Variants in CDK3 observed in about 807,000 individuals in gnomAD.
CDK3 encodes cyclin dependent kinase 3.
A neutral mutation model predicts 30.2 loss-of-function variants in CDK3; 24 were observed. The observed-to-expected ratio is 0.79, with a 90% CI of 0.57 to 1.12. The LOEUF (loss-of-function observed/expected upper bound fraction) is 1.12, where lower values mean the gene tolerates loss of function less well. Ranked by LOEUF, CDK3 falls within the 50% of genes most tolerant of loss-of-function variation. The pLI is 0.00. For missense variants in CDK3, 345 were observed against 376.0 expected (o/e 0.92, Z 0.68); for synonymous variants, 158 against 154.2 (o/e 1.02, Z -0.18).
chr17:76,002,755 T>C lies in CDK3; in HGVS notation c.588+143T>C. 1.6e-6 allele frequency: 1 copy of C among 613,500 alleles called. No homozygotes were observed. 38.0% of individuals were successfully genotyped at this position (613,500 alleles called of 1,614,324 possible). A position where few individuals can be genotyped will look rare whatever the true frequency, so the allele number is the denominator to read the frequency against. On this transcript the variant is annotated intron_variant, in intron 6 of 7. Transcript: ENST00000448471. The surrounding 1 kb of genome is among the most constrained non-coding windows in gnomAD (Gnocchi z 4.3). Reference sequence around the variant, plus strand: ...GGCTCACGCCCGTAATCCCAGCACTTTGGGAGGCTGAGATGGGAGGATGGC... The same window carrying C: ...GGCTCACGCCCGTAATCCCAGCACTCTGGGAGGCTGAGATGGGAGGATGGC...
Position 76,001,029 on chromosome 17 carries a change from TTGGGC to T in CDK3, c.-15+73_-15+77del, listed in dbSNP as rs764112235. 2 of 1,128,556 alleles carry T rather than the reference TTGGGC, an allele frequency of 1.8e-6. No individual in the cohort carries two copies. Among genetic ancestry groups the T allele is most frequent in the Non-Finnish European group, 1.1e-6 (1 of 912,668 alleles). 69.9% of individuals were successfully genotyped at this position (1,128,556 alleles called of 1,614,324 possible). A position where few individuals can be genotyped will look rare whatever the true frequency, so the allele number is the denominator to read the frequency against. On this transcript the variant is annotated intron_variant, in intron 1 of 7. Coordinates refer to ENST00000448471, the MANE Select transcript of CDK3 (RefSeq NM_001258.4). The surrounding 1 kb of genome is among the most constrained non-coding windows in gnomAD (Gnocchi z 6.2). The stretch of plus-strand genomic sequence containing the variant: ...CAAGTGAGAGGCCTGGGGGTCCATG[TTGGGC>T]TGGGCTGGGCGAGGGGTGGTCTCTG...
Position 76,001,000 on chromosome 17 carries a change from G to C in CDK3, c.-15+33G>C, listed in dbSNP as rs145858819. ...AGGGTGGTCTTGCCCTCTAAGGCCC[G>C]GCACAAGTGAGAGGCCTGGGGGTCC... On this transcript the variant is annotated intron_variant, in intron 1 of 7. Coordinates refer to ENST00000448471, the MANE Select transcript of CDK3 (RefSeq NM_001258.4). This position sits in a 1 kb window ranked among gnomAD's most constrained non-coding sequence, Gnocchi z 5.9. 1 of 1,096,660 alleles carries C rather than the reference G, an allele frequency of 9.1e-7. No homozygotes were observed. 67.9% of individuals were successfully genotyped at this position (1,096,660 alleles called of 1,614,324 possible). A position where few individuals can be genotyped will look rare whatever the true frequency, so the allele number is the denominator to read the frequency against.
chr17:76,000,998 C>T lies in CDK3; in HGVS notation c.-15+31C>T. 1 of 1,097,516 alleles carries T rather than the reference C, an allele frequency of 9.1e-7. No homozygotes were observed. Among genetic ancestry groups the T allele is most frequent in the Non-Finnish European group, 1.1e-6 (1 of 895,382 alleles). 68.0% of individuals were successfully genotyped at this position (1,097,516 alleles called of 1,614,324 possible). On this transcript the variant is annotated intron_variant, in intron 1 of 7. Transcript: ENST00000448471. The surrounding 1 kb of genome is among the most constrained non-coding windows in gnomAD (Gnocchi z 5.9). ...AAAGGGTGGTCTTGCCCTCTAAGGCCCGGCACAAGTGAGAGGCCTGGGGGT... is the reference window on the plus strand; with the variant it reads ...AAAGGGTGGTCTTGCCCTCTAAGGCTCGGCACAAGTGAGAGGCCTGGGGGT...
At position 76,001,943 on chromosome 17, in the gene CDK3, C is replaced by T. The variant is rs1232462469; in HGVS notation, c.186C>T (p.Asn62=). 6.2e-7 allele frequency: 1 copy of T among 1,613,860 alleles called. No individual in the cohort carries two copies. Among genetic ancestry groups the T allele is most frequent in the African/African-American group, 1.3e-5 (1 of 74,902 alleles). Residue 62 remains asparagine, a synonymous_variant, in exon 3 of 8, where the codon AAC becomes AAT. Transcript: ENST00000448471. The surrounding 1 kb of genome is among the most constrained non-coding windows in gnomAD (Gnocchi z 6.2). ...TGCTCAAGGAACTGAAGCACCCCAA[C>T]ATCGTCCGGTGAGTTGGGGATTGAG... ...ISLLKELKHP[N]IVRLLDVVHN...
Position 76,001,770 on chromosome 17 carries a change from G to A in CDK3, c.117-104G>A. 2 of 1,140,262 alleles carry A rather than the reference G, an allele frequency of 1.8e-6. No homozygotes were observed. Among genetic ancestry groups the A allele is most frequent in the East Asian group, 2.6e-5 (1 of 38,894 alleles). The allele number at this position is 1,140,262 out of a possible 1,614,324, so 70.6% of individuals were successfully genotyped here. ...AAGGAGCACAGGTCTCCATTGCCGGGGCCCTGGTCATTCTGTGGGGTTAAG... is the reference window on the plus strand; with the variant it reads ...AAGGAGCACAGGTCTCCATTGCCGGAGCCCTGGTCATTCTGTGGGGTTAAG... On this transcript the variant is annotated intron_variant, in intron 2 of 7. Transcript: ENST00000448471. The surrounding 1 kb of genome is among the most constrained non-coding windows in gnomAD (Gnocchi z 6.2).
Position 76,002,771 on chromosome 17 carries a change from G to A in CDK3, c.588+159G>A. 1.7e-6 allele frequency: 1 copy of A among 601,630 alleles called. No homozygotes were observed. Among genetic ancestry groups the A allele is most frequent in the South Asian group, 1.9e-5 (1 of 51,830 alleles). The allele number at this position is 601,630 out of a possible 1,614,324, so 37.3% of individuals were successfully genotyped here. ...CCCAGCACTTTGGGAGGCTGAGATG[G>A]GAGGATGGCTTGAGCCCAGGAGTTT... On this transcript the variant is annotated intron_variant, in intron 6 of 7. Transcript: ENST00000448471. This position sits in a 1 kb window ranked among gnomAD's most constrained non-coding sequence, Gnocchi z 4.3.
intron 7 of CDK3, chr17:76,004,698 C>A (rs1254437579): frequency 1.3e-5 from 2 of 152,884 alleles, no homozygotes; most frequent in Non-Finnish European, 2.9e-5. Flanking sequence ...ACATTTCTCT[C>A]CTTAATCTGG....
In CDK3 at chr17:76,002,709, A is replaced by G. The variant is rs1449817655; in HGVS notation, c.588+97A>G. 1.4e-6 allele frequency: 1 copy of G among 723,692 alleles called. No homozygotes were observed. The highest frequency in any genetic ancestry group is 2.5e-6 in the Non-Finnish European group (1 of 392,920). 44.8% of individuals were successfully genotyped at this position (723,692 alleles called of 1,614,324 possible). ...GATGCTCCCATTCGAGGCGGATTAA[A>G]GAGTGTTTGGGGCTGGACATGGCTC... On this transcript the variant is annotated intron_variant, in intron 6 of 7. Coordinates refer to ENST00000448471, the MANE Select transcript of CDK3 (RefSeq NM_001258.4). This position sits in a 1 kb window ranked among gnomAD's most constrained non-coding sequence, Gnocchi z 4.3.
rs2066306277 is a variant in CDK3 at position 76,005,496 on chromosome 17, G to A, written c.*73G>A. 7 of 1,544,578 alleles carry A rather than the reference G, an allele frequency of 4.5e-6. No homozygotes were observed. The highest frequency in any genetic ancestry group is 6.2e-6 in the Non-Finnish European group (7 of 1,134,320). On this transcript the variant is annotated 3_prime_UTR_variant, in exon 8 of 8. Transcript: ENST00000448471. This position sits in a 1 kb window ranked among gnomAD's most constrained non-coding sequence, Gnocchi z 4.7. Reference sequence around the variant, plus strand: ...AGCTGCCTCCTACCCATTGCCAAGAGAGGATGCATCTGGGGAGAGCAAAGC... The same window carrying A: ...AGCTGCCTCCTACCCATTGCCAAGAAAGGATGCATCTGGGGAGAGCAAAGC...
chr17:76,003,446 C>T (rs757078682), intron 7 of CDK3, 48 bp downstream of exon 7: 15 of 1,504,194 alleles, frequency 1.0e-5, no homozygotes, highest in African/African-American at 1.4e-5. Context: ...AGTTTCCCCT[C>T]ATCAGCCAGC....
chr17:76,002,005 T>C lies in CDK3; in HGVS notation c.195-17T>C, dbSNP rs758337188. 1.1e-5 allele frequency: 17 copies of C among 1,613,898 alleles called. No individual in the cohort carries two copies. Among genetic ancestry groups the C allele is most frequent in the Non-Finnish European group, 1.4e-5 (16 of 1,179,978 alleles). On this transcript the variant is annotated splice_polypyrimidine_tract_variant and intron_variant, in intron 3 of 7. Coordinates refer to ENST00000448471, the MANE Select transcript of CDK3 (RefSeq NM_001258.4). This position sits in a 1 kb window ranked among gnomAD's most constrained non-coding sequence, Gnocchi z 4.3. ...GGGATGGCGAAGGTAGCATCCTGAC[T>C]GCCATCTCCCTGTCAGACTGCTGGA...
At chr17:76,004,981 T>C (rs1421078338) in intron 7 of CDK3, among the ~76,000 whole-genome samples, 1 of 152,150 alleles carries the variant, frequency 6.6e-6, no homozygotes, top group Non-Finnish European at 1.5e-5. Context: ...CCTGGACAGC[T>C]TCAGTCCCCT....
chr17:76,002,394 G>A lies in CDK3; in HGVS notation c.462G>A (p.Val154=), dbSNP rs759118252. 14 of 1,612,316 alleles carry A rather than the reference G, an allele frequency of 8.7e-6. No homozygotes were observed. The highest frequency in any genetic ancestry group is 1.3e-5 in the African/African-American group (1 of 74,880). The change falls in exon 5 of 8, where the codon GTG becomes GTA. Residue 154 remains valine (V), a synonymous_variant. Coordinates refer to ENST00000448471, the MANE Select transcript of CDK3 (RefSeq NM_001258.4). This position sits in a 1 kb window ranked among gnomAD's most constrained non-coding sequence, Gnocchi z 4.3. ...TCGGCCTGGCTCGCGCCTTCGGGGT[G>A]CCCCTGCGCACCTACACCCATGAGG... ...ADFGLARAFG[V]PLRTYTHEVV... is the part of the protein sequence containing the mutation.
chr17:76,003,929 A>T (rs1256341463), intron 7 of CDK3, among the ~76,000 whole-genome samples: 1 of 150,282 alleles, frequency 6.7e-6, no homozygotes, highest in Non-Finnish European at 1.5e-5. Context: ...TTTTTTTTTT[A>T]GTAGAGACAG....
In CDK3 at chr17:76,001,627, C is replaced by A; in HGVS notation, c.116+86C>A. 8.7e-7 allele frequency: 1 copy of A among 1,152,548 alleles called. No homozygotes were observed. The highest frequency in any genetic ancestry group is 1.3e-6 in the Non-Finnish European group (1 of 787,016). 71.4% of individuals were successfully genotyped at this position (1,152,548 alleles called of 1,614,324 possible). A position where few individuals can be genotyped will look rare whatever the true frequency, so the allele number is the denominator to read the frequency against. ...TGATCCGTTCCCTCTTTCCTGGAGT[C>A]CACGTTTAACTCCTCTGGGTGCTGC... On this transcript the variant is annotated intron_variant, in intron 2 of 7. Coordinates refer to ENST00000448471, the MANE Select transcript of CDK3 (RefSeq NM_001258.4). The surrounding 1 kb of genome is among the most constrained non-coding windows in gnomAD (Gnocchi z 6.2).
chr17:76,002,952 G>C lies in CDK3; in HGVS notation c.589-243G>C, dbSNP rs1391130571. 3.6e-6 allele frequency: 2 copies of C among 563,338 alleles called. No homozygotes were observed. Among genetic ancestry groups the C allele is most frequent in the African/African-American group, 1.9e-5 (1 of 53,100 alleles). The allele number at this position is 563,338 out of a possible 1,614,324, so 34.9% of individuals were successfully genotyped here. A position where few individuals can be genotyped will look rare whatever the true frequency, so the allele number is the denominator to read the frequency against. ...GTTGAGGCTGCAGTGAGCTGTGATC[G>C]CACGACTGCACTCTAGCCTGGGTGA... On this transcript the variant is annotated intron_variant, in intron 6 of 7. Coordinates refer to ENST00000448471, the MANE Select transcript of CDK3 (RefSeq NM_001258.4). This position sits in a 1 kb window ranked among gnomAD's most constrained non-coding sequence, Gnocchi z 4.3.
rs200300738 is a variant in CDK3, at chr17:76,003,165, C to T, written c.589-30C>T. 2.6e-4 allele frequency: 420 copies of T among 1,596,934 alleles called. 1 individual carries two copies. The highest frequency in any genetic ancestry group is 4.1e-5 in the Non-Finnish European group (48 of 1,164,676). ...GGATTCTGTATAACAAAGTGGCGGA[C>T]CCCACACCTTCTCTTCTTCCCCATT... On this transcript the variant is annotated intron_variant, in intron 6 of 7. Transcript: ENST00000448471.
rs150589656 is a variant in CDK3 at position 76,001,949 on chromosome 17, C to T, written c.192C>T (p.Val64=). ...LLKELKHPNI[V]RLLDVVHNER... ...AGGAACTGAAGCACCCCAACATCGT[C>T]CGGTGAGTTGGGGATTGAGGTGGGG... The change falls in exon 3 of 8, where the codon GTC becomes GTT. Residue 64 remains valine, a splice_region_variant and synonymous_variant. Coordinates refer to ENST00000448471, the MANE Select transcript of CDK3 (RefSeq NM_001258.4). The surrounding 1 kb of genome is among the most constrained non-coding windows in gnomAD (Gnocchi z 6.2). 4 of 1,613,798 alleles carry T rather than the reference C, an allele frequency of 2.5e-6. No individual in the cohort carries two copies. The highest frequency in any genetic ancestry group is 1.1e-5 in the South Asian group (1 of 91,080).
chr17:76,004,362 G>T (rs1039556588), intron 7 of CDK3: 2 of 151,842 alleles, frequency 1.3e-5, no homozygotes, highest in African/African-American at 4.8e-5. Context: ...GGGACCACAG[G>T]TATACGCCAC....
Sources: gnomAD v4.1 joint callset for allele counts (sites outside exome capture counted in the v4.1 genomes callset) on GRCh38, gnomAD v4.1.1 for gene constraint, Gnocchi (gnomAD v3.1) non-coding constraint, MANE v1.5 for transcripts, NCBI Gene and HGNC (gene_info 2026-07-23, HGNC 2026-07-21) for gene names.